The following FSTL4 variants were observed in gnomAD, a reference collection of about 807,000 sequenced individuals.
FSTL4 encodes the protein follistatin-related protein 4.
A neutral mutation model predicts 78.2 loss-of-function variants in FSTL4; 28 were observed. The observed-to-expected ratio is 0.36, with a 90% CI of 0.27 to 0.49. The LOEUF is 0.49. Among genes scored for constraint, FSTL4 ranks in the 20% least tolerant of loss-of-function variants. The pLI is 0.98. For synonymous variants in FSTL4, 422 were observed against 440.5 expected, an observed-to-expected ratio of 0.96 and a Z score of 0.53; for missense variants, 922 against 1,084.9, an observed-to-expected ratio of 0.85 and a Z score of 2.11.
the FSTL4 span, among the ~76,000 whole-genome samples, chr5:133,666,514 G>C: frequency 6.6e-6 from 1 of 151,094 alleles, no homozygotes; most frequent in East Asian, 1.9e-4. Flanking sequence ...TCAGTTCACA[G>C]AAATAAATAT....
intron 5 of FSTL4, among the ~76,000 whole-genome samples, chr5:133,314,268 C>A (rs1219380309): frequency 6.6e-6 from 1 of 152,216 alleles, no homozygotes; most frequent in Admixed American, 6.5e-5. Context: ...CCTGGCCCTG[C>A]CCCTCAGGGT....
chr5:133,813,247 A>G, the FSTL4 span, among the ~76,000 whole-genome samples: 2 of 152,256 alleles, frequency 1.3e-5, no homozygotes, highest in South Asian at 4.1e-4. Context: ...CGTGAAATAA[A>G]TTTCAATAAT....
At chr5:133,618,632 A>G in the FSTL4 span, among the ~76,000 whole-genome samples, 1 of 152,182 alleles carries the variant, frequency 6.6e-6, no homozygotes, top group African/African-American at 2.4e-5. Flanking sequence ...CTTTATATGT[A>G]TTGTTTTTCC....
the FSTL4 span, among the ~76,000 whole-genome samples, chr5:133,711,660 G>A: frequency 7.2e-5 from 11 of 152,320 alleles, no homozygotes; most frequent in Non-Finnish European, 1.5e-4. Flanking sequence ...AGAAACAACC[G>A]TCCTTGAGAA....
chr5:133,276,588 T>C (rs1264334666), intron 6 of FSTL4, among the ~76,000 whole-genome samples: 1 of 152,198 alleles, frequency 6.6e-6, no homozygotes, highest in Non-Finnish European at 1.5e-5. Context: ...AATGGGTACC[T>C]TGGGGCCAAA....
intron 2 of FSTL4, among the ~76,000 whole-genome samples, chr5:133,583,028 C>T (rs1446378922): frequency 6.6e-6 from 1 of 152,170 alleles, no homozygotes; most frequent in African/African-American, 2.4e-5. Flanking sequence ...GGGTGCCTGA[C>T]ACTTCCACCT....
intron 7 of FSTL4, among the ~76,000 whole-genome samples, chr5:133,245,404 C>T (rs779799801): frequency 1.9e-4 from 29 of 152,246 alleles, no homozygotes; most frequent in Non-Finnish European, 4.0e-4. Context: ...CTGTCACTCC[C>T]CCATCAAACA....
intron 6 of FSTL4, among the ~76,000 whole-genome samples, chr5:133,277,670 C>G (rs999383074): frequency 2.0e-5 from 3 of 152,140 alleles, no homozygotes; most frequent in South Asian, 2.1e-4. Context: ...TGGGGCCCTC[C>G]TAGACCTGAC....
At chr5:133,340,700 C>T (rs1455311366) in intron 4 of FSTL4, among the ~76,000 whole-genome samples, 1 of 152,098 alleles carries the variant, frequency 6.6e-6, no homozygotes, top group Non-Finnish European at 1.5e-5. Flanking sequence ...GATGGGAAAA[C>T]TTCTGGCCCT....
rs182885686 is a variant in FSTL4 at position 133,219,305 on chromosome 5, T to C, written c.1458+1443A>G. On this transcript the variant is annotated intron_variant, in intron 12 of 15. Coordinates refer to ENST00000265342, the MANE Select transcript of FSTL4 (RefSeq NM_015082.2). ...CTCTCCTAGGTGACTGCAATAGCTT[T>C]GAAACTAGTCTCTCTCCTTTTACTC... Among the ~76,000 whole-genome samples, 8 of 152,330 alleles carry C rather than the reference T, an allele frequency of 5.3e-5. No individual in the cohort carries two copies. The East Asian group carries it at 1.5e-3, about 29-fold the overall frequency.
At position 133,608,158 on chromosome 5, in the gene FSTL4, T is replaced by A. The variant is rs148988610; in HGVS notation, c.-10-4165A>T. Among the ~76,000 whole-genome samples, 509 of 152,332 alleles carry A rather than the reference T, an allele frequency of 3.3e-3. 5 individuals are homozygous for A. Among genetic ancestry groups the A allele is most frequent in the African/African-American group, 0.012 (485 of 41,584 alleles). On this transcript the variant is annotated intron_variant, in intron 1 of 15. Transcript: ENST00000265342. ...AAGGTCACAAATCCCCTTTTAAACC[T>A]AGAGCTCCTTTTGAGATCAATTTAG... is the stretch of plus-strand genomic sequence containing the variant.
chr5:133,621,106 A>G, the FSTL4 span, among the ~76,000 whole-genome samples: 1 of 152,234 alleles, frequency 6.6e-6, no homozygotes, highest in African/African-American at 2.4e-5. Flanking sequence ...AAACGAATGA[A>G]TTAAGAGCAT....
chr5:133,282,524 A>G (rs754320338), intron 6 of FSTL4, among the ~76,000 whole-genome samples: 7 of 152,352 alleles, frequency 4.6e-5, no homozygotes, highest in Non-Finnish European at 8.8e-5. Context: ...CATTAGCAGC[A>G]GGATCATTTC....
At chr5:133,779,592 CAAAACAAAAAAA>C in the FSTL4 span, among the ~76,000 whole-genome samples, 1 of 150,576 alleles carries the variant, frequency 6.6e-6, no homozygotes, top group Non-Finnish European at 1.5e-5. Context: ...TCTCAAAAAA[CAAAACAAAAAAA>C]GAAACAAAAT....
At chr5:133,718,045 C>T in the FSTL4 span, among the ~76,000 whole-genome samples, 3 of 152,012 alleles carry the variant, frequency 2.0e-5, no homozygotes, top group Non-Finnish European at 4.4e-5. Context: ...ATTCCAGTTG[C>T]TCCATATCCT....
chr5:133,470,860 T>A (rs1757813775), intron 3 of FSTL4, among the ~76,000 whole-genome samples: 1 of 151,372 alleles, frequency 6.6e-6, no homozygotes, highest in Admixed American at 6.6e-5. Flanking sequence ...TCAGATCAGA[T>A]GATAAAGCCA....
rs2112877830 is a variant in FSTL4 at position 133,501,274 on chromosome 5, A to G, written c.160+65912T>C. ...TATATGCCTTACAATTTTAAGAAAA[A>G]AAAAAAATAAAAAGCAAAAGCAAAC... On this transcript the variant is annotated intron_variant, in intron 3 of 15. Coordinates refer to ENST00000265342, the MANE Select transcript of FSTL4 (RefSeq NM_015082.2). 1.3e-5 allele frequency among the ~76,000 whole-genome samples: 2 copies of G among 152,334 alleles called. 1 individual carries two copies. Among genetic ancestry groups the G allele is most frequent in the South Asian group, 4.1e-4 (2 of 4,822 alleles).
chr5:133,335,997 C>T (rs1754455062), intron 4 of FSTL4, among the ~76,000 whole-genome samples: 1 of 152,206 alleles, frequency 6.6e-6, no homozygotes, highest in Non-Finnish European at 1.5e-5. Flanking sequence ...TCTGGCTTGG[C>T]AGAGATAGGC....
At chr5:133,364,971 C>G (rs1755154398) in intron 4 of FSTL4, among the ~76,000 whole-genome samples, 1 of 152,142 alleles carries the variant, frequency 6.6e-6, no homozygotes, top group African/African-American at 2.4e-5. Context: ...CTTCACTGAT[C>G]TATTAAGATT....
Sources: gnomAD v4.1 joint callset for allele counts (sites outside exome capture counted in the v4.1 genomes callset) on GRCh38, gnomAD v4.1.1 for gene constraint, MANE v1.5 for transcripts, NCBI Gene and HGNC (gene_info 2026-07-23, HGNC 2026-07-21) for gene names.